MTOR: variants seen among roughly 807,000 people sequenced by gnomAD.
MTOR encodes the protein serine/threonine-protein kinase mTOR.
MTOR carries 70 observed loss-of-function variants against 319.8 expected under a neutral mutation model. The observed-to-expected ratio is 0.22, with a 90% CI of 0.18 to 0.27. The LOEUF (loss-of-function observed/expected upper bound fraction) is 0.27. Among genes scored for constraint, MTOR ranks in the 10% least tolerant of loss-of-function variants. MTOR has a pLI of 1.00. For synonymous variants in MTOR, 1,183 were observed against 1,211.4 expected (o/e 0.98, Z 0.49); for missense variants, 1,890 against 3,274.4 (o/e 0.58, Z 10.32).
intron 19 of MTOR, among the ~76,000 whole-genome samples, chr1:11,219,716 A>C (rs764015029): frequency 3.9e-5 from 6 of 152,164 alleles, no homozygotes; most frequent in Non-Finnish European, 8.8e-5. Context: ...AGTCTGTTTA[A>C]AATGCCTTAA....
chr1:11,250,054 C>T (rs1649417871), intron 6 of MTOR, among the ~76,000 whole-genome samples: 1 of 144,756 alleles, frequency 6.9e-6, no homozygotes, highest in Non-Finnish European at 1.5e-5. Context: ...GGGGCTGACC[C>T]CCACACCTCC....
At chr1:11,154,532 T>C (rs1019244910) in intron 30 of MTOR, among the ~76,000 whole-genome samples, 12 of 152,140 alleles carry the variant, frequency 7.9e-5, no homozygotes, top group African/African-American at 2.9e-4. Flanking sequence ...TCTATATATA[T>C]ATATATGATC....
chr1:11,115,543 C>T lies in MTOR; in HGVS notation c.7017-75G>A. On this transcript the variant is annotated intron_variant, in intron 50 of 57. Transcript: ENST00000361445. This position sits in a 1 kb window ranked among gnomAD's most constrained non-coding sequence, Gnocchi z 4.5. ...TGAAAAAATCAATAAGTACGTGATA[C>T]TGTAAGCTAGGAGTTGGCAAACGAT... The T allele has an allele frequency of 2.1e-6, 3 of 1,426,974 alleles. No homozygotes were observed. Among genetic ancestry groups the T allele is most frequent in the East Asian group, 4.6e-5 (2 of 43,712 alleles). 88.4% of individuals were successfully genotyped at this position (1,426,974 alleles called of 1,614,324 possible).
At chr1:11,135,720 C>A in intron 36 of MTOR, among the ~76,000 whole-genome samples, 1 of 151,468 alleles carries the variant, frequency 6.6e-6, no homozygotes, top group East Asian at 1.9e-4. Flanking sequence ...GTAATCCCAG[C>A]TATTTGGGAG....
Position 11,216,133 on chromosome 1 carries a change from T to C in MTOR, c.3117+15A>G, listed in dbSNP as rs1163058997. On this transcript the variant is annotated intron_variant, in intron 20 of 57. Transcript: ENST00000361445. ...CCCAAACATGGAAGAGGCCAAAGCA[T>C]TAACTTCTACTCACTCTCATGAGGG... 6.9e-6 allele frequency: 11 copies of C among 1,599,924 alleles called. No individual in the cohort carries two copies. The highest frequency in any genetic ancestry group is 8.6e-6 in the Non-Finnish European group (10 of 1,167,636).
At chr1:11,206,351 G>T (rs931449326) in intron 25 of MTOR, among the ~76,000 whole-genome samples, 1 of 152,198 alleles carries the variant, frequency 6.6e-6, no homozygotes, top group South Asian at 2.1e-4. Flanking sequence ...TCAACACAGT[G>T]GTTAAGAGAG....
At chr1:11,247,161 G>A (rs908520835) in intron 8 of MTOR, among the ~76,000 whole-genome samples, 1 of 152,198 alleles carries the variant, frequency 6.6e-6, no homozygotes, top group Non-Finnish European at 1.5e-5. Context: ...AGCAATCTAG[G>A]AAGGCTTCGT....
At chr1:11,208,430 C>A (rs1646208568) in intron 25 of MTOR, among the ~76,000 whole-genome samples, 2 of 152,250 alleles carry the variant, frequency 1.3e-5, no homozygotes, top group South Asian at 4.1e-4. Context: ...GTGTTCAAAT[C>A]TTTATGGGTT....
chr1:11,120,630 G>A (rs1443464856), intron 49 of MTOR, among the ~76,000 whole-genome samples: 1 of 151,944 alleles, frequency 6.6e-6, no homozygotes, highest in African/African-American at 2.4e-5. Context: ...GGGATTACAA[G>A]TGTGAGCCAC....
chr1:11,127,711 G>T lies in MTOR; in HGVS notation c.6129C>A (p.Asn2043Lys). 6.2e-7 allele frequency: 1 copy of T among 1,614,010 alleles called. No homozygotes were observed. The highest frequency in any genetic ancestry group is 8.5e-7 in the Non-Finnish European group (1 of 1,180,018). ...CCAGCACCTCAAACATGCCTTTCAC[G>T]TTCCTTTCCCCAAAGTACAAACGAG... Reference protein sequence around the residue: ...EASRLYFGERNVKGMFEVLEP... With the variant: ...EASRLYFGERKVKGMFEVLEP... Residue 2043 changes from asparagine (N) to lysine (K), a missense_variant, in exon 44 of 58, where the codon AAC becomes AAA. Physicochemically the swap from Asn to Lys is moderately conservative, Grantham distance 94. Transcript: ENST00000361445. The surrounding 1 kb of genome is among the most constrained non-coding windows in gnomAD (Gnocchi z 5.5).
rs189436499 is a variant in MTOR at position 11,130,554 on chromosome 1, G to C, written c.5588C>G (p.Ser1863Trp). 1 of 1,613,384 alleles carries C rather than the reference G, an allele frequency of 6.2e-7. No individual in the cohort carries two copies. Among genetic ancestry groups the C allele is most frequent in the Non-Finnish European group, 8.5e-7 (1 of 1,179,860 alleles). Residue 1863 changes from serine (S) to tryptophan (W), a missense_variant, in exon 39 of 58, where the codon TCG becomes TGG. By Grantham distance (177) the Ser-to-Trp change is radical. Around this residue, in one of 15 missense-constraint regions of MTOR, gnomAD observed 91 missense variants for 90.4 expected, o/e 1.01. Transcript: ENST00000361445. ...AESTENSPTP[S>W]PLQKKVTEDL... ...CTCAGTGACCTTCTTCTGCAGCGGC[G>C]ATGGGGTGGGGCTGTTCTCGGTGCT...
At chr1:11,157,331 A>G (rs750159966) in intron 29 of MTOR, 40 bp from the exon 30 acceptor site, 7 of 1,599,126 alleles carry the variant, frequency 4.4e-6, no homozygotes, top group Middle Eastern at 1.7e-4. Context: ...AGGTACACAG[A>G]AGAAGGGATC....
chr1:11,244,148 C>T (rs956949899), intron 8 of MTOR, among the ~76,000 whole-genome samples: 20 of 151,764 alleles, frequency 1.3e-4, no homozygotes, highest in African/African-American at 4.8e-4. Context: ...CAAAATTAGC[C>T]GGACATAAGG....
At chr1:11,122,400 A>G (rs1642581789) in intron 47 of MTOR, among the ~76,000 whole-genome samples, 4 of 149,434 alleles carry the variant, frequency 2.7e-5, no homozygotes, top group African/African-American at 5.0e-5. Flanking sequence ...GACGGATTTC[A>G]CCATGTTGGC....
In MTOR at chr1:11,121,418, T is replaced by C. The variant is rs199572003; in HGVS notation, c.6811-50A>G. The C allele has an allele frequency of 8.1e-6, 13 of 1,607,044 alleles. No homozygotes were observed. The highest frequency in any genetic ancestry group is 3.3e-4 in the Middle Eastern group (2 of 6,036). ...TAAGAGAGCAGCCTAAGACATGTAG[T>C]TTGGGTCCAGGAAGAAACAAGGCTT... is the stretch of plus-strand genomic sequence containing the variant. On this transcript the variant is annotated intron_variant, in intron 48 of 57. Transcript: ENST00000361445. This position sits in a 1 kb window ranked among gnomAD's most constrained non-coding sequence, Gnocchi z 4.9.
intron 9 of MTOR, among the ~76,000 whole-genome samples, chr1:11,241,905 G>A (rs1648089127): frequency 1.3e-5 from 2 of 152,162 alleles, no homozygotes; most frequent in Non-Finnish European, 2.9e-5. Flanking sequence ...GTGTCTTAAG[G>A]AAGGGGCCTT....
intron 10 of MTOR, among the ~76,000 whole-genome samples, chr1:11,241,109 CA>C (rs949296293): frequency 2.6e-5 from 4 of 151,416 alleles, no homozygotes; most frequent in African/African-American, 7.3e-5. Context: ...ATCACAAGGT[CA>C]GGAGATCGAG....
intron 19 of MTOR, among the ~76,000 whole-genome samples, chr1:11,220,061 G>GA (rs1214418546): frequency 9.2e-4 from 20 of 21,622 alleles, no homozygotes; most frequent in Middle Eastern, 0.016. Flanking sequence ...GAAAAGAAAA[G>GA]AAAGAAAAAA....
At chr1:11,226,639 T>C (rs1646847438) in intron 19 of MTOR, among the ~76,000 whole-genome samples, 2 of 151,796 alleles carry the variant, frequency 1.3e-5, no homozygotes, top group Non-Finnish European at 2.9e-5. Flanking sequence ...CTGGGTGTGG[T>C]TGTAAATGCC....
Sources: gnomAD v4.1 joint callset for allele counts (sites outside exome capture counted in the v4.1 genomes callset) on GRCh38, gnomAD v4.1.1 for gene constraint, gnomAD v4.1.1 regional missense constraint, Gnocchi (gnomAD v3.1) non-coding constraint, MANE v1.5 for transcripts, NCBI Gene and HGNC (gene_info 2026-07-23, HGNC 2026-07-21) for gene names.